Variants in TRIM14 observed in about 807,000 individuals in gnomAD.
TRIM14 encodes tripartite motif-containing protein 14.
TRIM14 carries 28 observed loss-of-function variants against 44.5 expected under a neutral mutation model. The ratio of observed to expected loss-of-function variants is 0.63; its 90% CI spans 0.47 to 0.86. TRIM14 has a LOEUF of 0.86. TRIM14 is among the 40% of genes least tolerant of loss of function. The pLI, the probability that TRIM14 is intolerant of heterozygous loss-of-function variation, is 0.00. For synonymous variants in TRIM14, 299 were observed against 269.2 expected, an observed-to-expected ratio of 1.11 and a Z score of -1.08; for missense variants, 607 against 611.1, an observed-to-expected ratio of 0.99 and a Z score of 0.07.
chr9:98,080,134 A>G (rs1002274414), downstream of TRIM14, among the ~76,000 whole-genome samples: 1 of 152,210 alleles, frequency 6.6e-6, no homozygotes, highest in Non-Finnish European at 1.5e-5. Context: ...GAATCGCTTG[A>G]ACCCAGGAGG....
the TRIM14 span, among the ~76,000 whole-genome samples, chr9:98,046,853 C>T: frequency 0.2 from 29,936 of 146,656 alleles, 3,616 homozygotes; most frequent in Admixed American, 0.28. Context: ...GCCTTGTACT[C>T]TTTGCTGACA....
chr9:98,114,965 C>A (rs1331919819), intron 1 of TRIM14, among the ~76,000 whole-genome samples: 1 of 152,136 alleles, frequency 6.6e-6, no homozygotes, highest in East Asian at 1.9e-4. Flanking sequence ...AAAATTTTTT[C>A]TTTTGTCACA....
the TRIM14 span, among the ~76,000 whole-genome samples, chr9:98,058,374 C>T: frequency 6.6e-6 from 1 of 152,144 alleles, no homozygotes; most frequent in Non-Finnish European, 1.5e-5. Context: ...TTTACAACAA[C>T]CCAATGCCAT....
intron 1 of TRIM14, among the ~76,000 whole-genome samples, chr9:98,113,818 T>G (rs550396351): frequency 1.8e-3 from 267 of 152,374 alleles, no homozygotes; most frequent in Non-Finnish European, 2.5e-3. Context: ...GAACTGAATC[T>G]CCTCTATCAG....
chr9:98,116,613 G>C (rs1827061336), intron 1 of TRIM14, among the ~76,000 whole-genome samples: 1 of 151,942 alleles, frequency 6.6e-6, no homozygotes, highest in Non-Finnish European at 1.5e-5. Context: ...GAGGCAAGAG[G>C]ATCACTTGAG....
chr9:98,101,178 T>A (rs1826375092), intron 2 of TRIM14, among the ~76,000 whole-genome samples: 1 of 151,952 alleles, frequency 6.6e-6, no homozygotes, highest in African/African-American at 2.4e-5. Context: ...TTTCACCATG[T>A]TGGTCAGGCT....
downstream of TRIM14, among the ~76,000 whole-genome samples, chr9:98,079,908 A>C (rs934941871): frequency 6.6e-6 from 1 of 152,078 alleles, no homozygotes; most frequent in Non-Finnish European, 1.5e-5. Context: ...TAACCCTCCT[A>C]ATCTTTTGTT....
Position 98,095,486 on chromosome 9 carries a change from G to A in TRIM14, c.538-457C>T, listed in dbSNP as rs1826153081. Among the ~76,000 whole-genome samples the A allele has an allele frequency of 6.6e-6, 1 of 152,198 alleles. No homozygotes were observed. The highest frequency in any genetic ancestry group is 1.5e-5 in the Non-Finnish European group (1 of 68,038). ...CACCTGGAGCTTATTCAAAGGTGGA[G>A]CAGGAAACCATGTTCTAAGAAGGAC... On this transcript the variant is annotated intron_variant, in intron 3 of 5. Transcript: ENST00000341469. This position sits in a 1 kb window ranked among gnomAD's most constrained non-coding sequence, Gnocchi z 4.1.
chr9:98,040,869 C>A, the TRIM14 span, among the ~76,000 whole-genome samples: 1 of 152,138 alleles, frequency 6.6e-6, no homozygotes, highest in African/African-American at 2.4e-5. Context: ...CTTGGCCAGG[C>A]TGCTCTTGAA....
At chr9:98,043,265 C>T in the TRIM14 span, among the ~76,000 whole-genome samples, 4 of 152,216 alleles carry the variant, frequency 2.6e-5, no homozygotes, top group East Asian at 3.9e-4. Flanking sequence ...GCAACCTCCC[C>T]CTCCTGGGTT....
chr9:98,112,089 A>G (rs1000036424), intron 1 of TRIM14, among the ~76,000 whole-genome samples: 1 of 152,220 alleles, frequency 6.6e-6, no homozygotes, highest in Admixed American at 6.5e-5. Context: ...TTGAGGAGCC[A>G]TCTTTCTAGA....
At chr9:98,106,149 AGAT>A (rs915691624) in intron 2 of TRIM14, among the ~76,000 whole-genome samples, 1 of 152,194 alleles carries the variant, frequency 6.6e-6, no homozygotes, top group African/African-American at 2.4e-5. Context: ...ACTGGAGACA[AGAT>A]GATAATACAC....
At position 98,076,942 on chromosome 9, in the gene TRIM14, C is replaced by T. The variant is rs950713032; in HGVS notation, c.*29-7255G>A. ...GATGGCAGTTGAATTCCTGCATGAA[C>T]TGAATGTTCCATTTTTCAAAGTTGG... On this transcript the variant is annotated intron_variant, in intron 6 of 6. Transcript: ENST00000375098. 6 of 1,612,178 alleles carry T rather than the reference C, an allele frequency of 3.7e-6. No individual in the cohort carries two copies. Among genetic ancestry groups the T allele is most frequent in the South Asian group, 1.1e-5 (1 of 90,372 alleles).
intron 5 of TRIM14, among the ~76,000 whole-genome samples, chr9:98,090,936 C>A (rs1252434101): frequency 1.3e-5 from 2 of 152,160 alleles, no homozygotes; most frequent in Non-Finnish European, 2.9e-5. Context: ...TATTCACTGT[C>A]CCCCTCCCAA....
At position 98,087,848 on chromosome 9, in the gene TRIM14, G is replaced by A. The variant is rs1825845214; in HGVS notation, c.951C>T (p.Phe317=). The change falls in exon 6 of 6, where the codon TTC becomes TTT. Residue 317 remains phenylalanine, a synonymous_variant. Transcript: ENST00000341469. The part of the protein sequence containing the change: ...ALWQVLARDC[F]ATGRHYWEVD... Reference sequence around the variant, plus strand: ...CCTCCCAGTAGTGGCGGCCGGTGGCGAAGCAGTCACGAGCCAGCACTTGCC... The same window carrying A: ...CCTCCCAGTAGTGGCGGCCGGTGGCAAAGCAGTCACGAGCCAGCACTTGCC... 1 of 1,551,010 alleles carries A rather than the reference G, an allele frequency of 6.4e-7. No homozygotes were observed. The highest frequency in any genetic ancestry group is 8.6e-7 in the Non-Finnish European group (1 of 1,160,178).
At chr9:98,069,281 T>TC (rs1829241147) in exon 7 of TRIM14, 1 of 141,666 alleles carries the variant, frequency 7.1e-6, no homozygotes, top group East Asian at 2.3e-4. Flanking sequence ...ACTATTTTTC[T>TC]TTTTTTTTTT....
the TRIM14 span, among the ~76,000 whole-genome samples, chr9:98,040,300 C>G: frequency 6.6e-6 from 1 of 152,130 alleles, no homozygotes; most frequent in East Asian, 1.9e-4. Flanking sequence ...TTTTCTATTT[C>G]TTCAACTCCC....
At chr9:98,092,473 A>T (rs1441347928) in intron 4 of TRIM14, 3 of 385,294 alleles carry the variant, frequency 7.8e-6, no homozygotes, top group East Asian at 7.8e-5. Flanking sequence ...CTTCCCAGCT[A>T]TTGGGGCCGC....
chr9:98,078,934 GATAA>G (rs1314604996), intron 6 of TRIM14, among the ~76,000 whole-genome samples: 2 of 151,916 alleles, frequency 1.3e-5, no homozygotes, highest in Non-Finnish European at 2.9e-5. Context: ...CTAGCGTACA[GATAA>G]ATATTCATCT....
Sources: gnomAD v4.1 joint callset for allele counts (sites outside exome capture counted in the v4.1 genomes callset) on GRCh38, gnomAD v4.1.1 for gene constraint, Gnocchi (gnomAD v3.1) non-coding constraint, MANE v1.5 for transcripts, NCBI Gene and HGNC (gene_info 2026-07-23, HGNC 2026-07-21) for gene names.